The following CDH13 variants were observed in gnomAD, a reference collection of about 807,000 sequenced individuals.
CDH13 encodes cadherin-13.
Under a neutral mutation model 63.8 loss-of-function variants are expected in CDH13, and 24 were observed. The observed-to-expected ratio is 0.38, with a 90% CI of 0.27 to 0.53. The LOEUF (loss-of-function observed/expected upper bound fraction) is 0.53, where lower values mean the gene tolerates loss of function less well. CDH13 is among the 20% of genes least tolerant of loss of function. CDH13 has a pLI of 0.85. For missense variants in CDH13, 1,049 were observed against 903.1 expected (o/e 1.16, Z -2.07); for synonymous variants, 503 against 355.3 (o/e 1.42, Z -4.67).
chr16:82,990,448 C>G (rs983925968), intron 2 of CDH13: 6 of 152,042 alleles, frequency 3.9e-5, no homozygotes, highest in African/African-American at 1.4e-4. Flanking sequence ...CCCTCCTGGA[C>G]TTACGTTCAG....
chr16:82,835,919 AAC>A (rs2038747588), intron 1 of CDH13, among the ~76,000 whole-genome samples: 1 of 152,160 alleles, frequency 6.6e-6, no homozygotes, highest in African/African-American at 2.4e-5. Flanking sequence ...CCCAGGAGAA[AAC>A]AGCTCCAGGC....
intron 11 of CDH13, among the ~76,000 whole-genome samples, chr16:83,748,909 G>A (rs768511361): frequency 2.6e-4 from 40 of 152,204 alleles, no homozygotes; most frequent in Non-Finnish European, 4.6e-4. Context: ...TAGGGCACAA[G>A]GGCAGAAGGA....
At chr16:83,025,214 T>C (rs1307350554) in intron 2 of CDH13, among the ~76,000 whole-genome samples, 2 of 152,224 alleles carry the variant, frequency 1.3e-5, no homozygotes, top group Admixed American at 6.5e-5. Context: ...ATAAGGATTA[T>C]AGTACCTTTC....
At chr16:83,485,225 C>A (rs2073859340) in intron 6 of CDH13, among the ~76,000 whole-genome samples, 5 of 152,192 alleles carry the variant, frequency 3.3e-5, no homozygotes, top group Admixed American at 2.0e-4. Flanking sequence ...TTTATTTGCA[C>A]AGATCCCTTG....
intron 1 of CDH13, among the ~76,000 whole-genome samples, chr16:82,686,036 C>G (rs1597320937): frequency 6.6e-6 from 1 of 152,130 alleles, no homozygotes; most frequent in African/African-American, 2.4e-5. Flanking sequence ...TAGTGAATTA[C>G]AATTTTTTCT....
rs151011521 is a variant in CDH13, at chr16:83,224,293, G to A, written c.636+6796G>A. ...GCTGGTTTCATATTTTTGCAATTGC[G>A]AATTGAGCTGCTATAAACATGTGTG... On this transcript the variant is annotated intron_variant, in intron 5 of 13. Transcript: ENST00000567109. 1.7e-4 allele frequency among the ~76,000 whole-genome samples: 26 copies of A among 152,294 alleles called. No individual in the cohort carries two copies. In the East Asian group the frequency reaches 4.8e-3, roughly 28 times the overall value.
intron 10 of CDH13, among the ~76,000 whole-genome samples, chr16:83,718,450 A>G (rs931198234): frequency 1.3e-5 from 2 of 152,186 alleles, no homozygotes; most frequent in African/African-American, 4.8e-5. Flanking sequence ...GAGTGAAGGA[A>G]TCGCTCTCAA....
chr16:83,619,423 G>A (rs889882385), intron 8 of CDH13, among the ~76,000 whole-genome samples: 3 of 152,210 alleles, frequency 2.0e-5, no homozygotes, highest in African/African-American at 7.2e-5. Context: ...CATTTCCTGG[G>A]CTGCCATAAC....
chr16:83,182,046 T>G (rs536313766), intron 4 of CDH13, among the ~76,000 whole-genome samples: 1 of 152,148 alleles, frequency 6.6e-6, no homozygotes, highest in Non-Finnish European at 1.5e-5. Flanking sequence ...CTTGGGAACA[T>G]AGGAAAAGTG....
chr16:83,232,268 T>A (rs1271786244), intron 5 of CDH13, among the ~76,000 whole-genome samples: 1 of 141,852 alleles, frequency 7.0e-6, no homozygotes, highest in African/African-American at 2.6e-5. Context: ...CTCATGCCTG[T>A]AATCTGAGTG....
intron 2 of CDH13, among the ~76,000 whole-genome samples, chr16:82,865,383 C>T (rs1048020563): frequency 6.6e-6 from 1 of 152,226 alleles, no homozygotes; most frequent in African/African-American, 2.4e-5. Flanking sequence ...TTTGCGTGGA[C>T]ATCCAGGTGT....
intron 5 of CDH13, among the ~76,000 whole-genome samples, chr16:83,288,239 T>G (rs2089372884): frequency 6.6e-6 from 1 of 152,210 alleles, no homozygotes; most frequent in Admixed American, 6.5e-5. Context: ...AATAGCTAAC[T>G]CACTCTTAGC....
chr16:83,067,246 T>C (rs1045386343), intron 3 of CDH13, among the ~76,000 whole-genome samples: 2 of 152,196 alleles, frequency 1.3e-5, no homozygotes, highest in Non-Finnish European at 2.9e-5. Context: ...GTAATGTTGA[T>C]AAGTATTGTG....
At chr16:82,975,421 C>A (rs757067165) in intron 2 of CDH13, among the ~76,000 whole-genome samples, 6 of 152,198 alleles carry the variant, frequency 3.9e-5, no homozygotes, top group Non-Finnish European at 8.8e-5. Context: ...AGTTCTGCAG[C>A]TGCCGTGTGA....
intron 8 of CDH13, among the ~76,000 whole-genome samples, chr16:83,624,486 T>G (rs1376983981): frequency 6.6e-6 from 1 of 152,102 alleles, no homozygotes; most frequent in Non-Finnish European, 1.5e-5. Context: ...AGGCATCAGT[T>G]AGATTCTCTT....
At chr16:83,777,745 T>C (rs530119062) in intron 11 of CDH13, among the ~76,000 whole-genome samples, 36 of 152,346 alleles carry the variant, frequency 2.4e-4, no homozygotes, top group African/African-American at 8.4e-4. Context: ...CTTCAAATAC[T>C]CACTACCCTT....
intron 2 of CDH13, among the ~76,000 whole-genome samples, chr16:82,904,271 A>T (rs183686995): frequency 1.7e-3 from 253 of 152,334 alleles, no homozygotes; most frequent in African/African-American, 5.9e-3. Flanking sequence ...AGGTCTGCAC[A>T]GAACGGAAAT....
chr16:83,409,498 T>G (rs941087908), intron 6 of CDH13, among the ~76,000 whole-genome samples: 3 of 152,204 alleles, frequency 2.0e-5, no homozygotes, highest in Non-Finnish European at 4.4e-5. Flanking sequence ...GTTTGGGACA[T>G]GTAGAGTTCA....
chr16:83,376,793 A>G (rs1390828538), intron 6 of CDH13, among the ~76,000 whole-genome samples: 2 of 152,180 alleles, frequency 1.3e-5, no homozygotes, highest in Non-Finnish European at 2.9e-5. Context: ...AGGAGGGGAC[A>G]TTGATTTGAC....
Sources: allele counts gnomAD v4.1 joint callset (sites outside exome capture counted in the v4.1 genomes callset), GRCh38; gene constraint gnomAD v4.1.1; transcripts MANE v1.5; gene names NCBI Gene and HGNC (gene_info 2026-07-23, HGNC 2026-07-21).